COG5: variants seen among roughly 807,000 people sequenced by gnomAD.
COG5 encodes the protein component of oligomeric golgi complex 5, also known as conserved oligomeric Golgi complex subunit 5.
A neutral mutation model predicts 110.4 loss-of-function variants in COG5; 86 were observed. That is an observed-to-expected ratio of 0.78 (90% CI 0.65 to 0.93). The LOEUF (loss-of-function observed/expected upper bound fraction) is 0.93, where lower values mean the gene tolerates loss of function less well. COG5 is among the 40% of genes least tolerant of loss of function. The probability of loss-of-function intolerance (pLI) is 0.00; values close to 1 mark genes in which losing one functional copy is unlikely to be tolerated. For synonymous variants in COG5, 360 were observed against 334.6 expected, an observed-to-expected ratio of 1.08 and a Z score of -0.83; for missense variants, 1,077 against 987.0, an observed-to-expected ratio of 1.09 and a Z score of -1.22.
chr7:107,248,819 C>CT, intron 16 of COG5, among the ~76,000 whole-genome samples: 1 of 152,242 alleles, frequency 6.6e-6, no homozygotes, highest in East Asian at 1.9e-4. Flanking sequence ...AGGTAAAGGT[C>CT]AAATGAACAC....
chr7:107,420,659 C>T (rs1793222106), intron 6 of COG5, among the ~76,000 whole-genome samples: 1 of 152,168 alleles, frequency 6.6e-6, no homozygotes, highest in Non-Finnish European at 1.5e-5. Context: ...TATGGGGTTT[C>T]ACCATGTTAG....
chr7:107,272,392 T>A (rs375953612), intron 14 of COG5, among the ~76,000 whole-genome samples: 1 of 152,170 alleles, frequency 6.6e-6, no homozygotes, highest in Non-Finnish European at 1.5e-5. Context: ...CTTACATATG[T>A]TGATTGATGT....
chr7:107,501,774 C>A (rs1368848204), intron 6 of COG5, among the ~76,000 whole-genome samples: 1 of 152,106 alleles, frequency 6.6e-6, no homozygotes, highest in Non-Finnish European at 1.5e-5. Flanking sequence ...TTGAGCACAA[C>A]ATCACCCCCA....
intron 14 of COG5, among the ~76,000 whole-genome samples, chr7:107,278,244 CTTCCTTCCT>C (rs1804862771): frequency 6.6e-6 from 1 of 151,384 alleles, no homozygotes; most frequent in Non-Finnish European, 1.5e-5. Context: ...CCTTCCTTCC[CTTCCTTCCT>C]TTCTTCCTTC....
At chr7:107,300,079 A>G (rs1807135832) in intron 11 of COG5, among the ~76,000 whole-genome samples, 1 of 151,806 alleles carries the variant, frequency 6.6e-6, no homozygotes, top group East Asian at 1.9e-4. Flanking sequence ...TAAAAGAAAA[A>G]GCGTATGCTC....
At chr7:107,415,747 T>C (rs1015616833) in intron 6 of COG5, among the ~76,000 whole-genome samples, 1 of 147,352 alleles carries the variant, frequency 6.8e-6, no homozygotes, top group Non-Finnish European at 1.5e-5. Flanking sequence ...TAAATACATG[T>C]ATGTATATAT....
At position 107,236,490 on chromosome 7, in the gene COG5, C is replaced by T; in HGVS notation, c.2051G>A (p.Gly684Asp). 1 of 1,614,172 alleles carries T rather than the reference C, an allele frequency of 6.2e-7. No homozygotes were observed. Among genetic ancestry groups the T allele is most frequent in the East Asian group, 2.2e-5 (1 of 44,888 alleles). The change falls in exon 18 of 22, where the codon GGT becomes GAT. Residue 684 changes from glycine (G) to aspartate (D), a missense_variant. By Grantham distance (94) the Gly-to-Asp change is moderately conservative. Transcript: ENST00000297135. ...AGCAAGTCGCATTTTCCCACCTTCACCAAGAGGTCTTATGAGACTGGCATG... is the reference window on the plus strand; with the variant it reads ...AGCAAGTCGCATTTTCCCACCTTCATCAAGAGGTCTTATGAGACTGGCATG... ...IRHASLIRPL[G>D]EGGKMRLAAD...
chr7:107,383,687 A>G (rs1421924968), intron 7 of COG5, among the ~76,000 whole-genome samples: 1 of 152,164 alleles, frequency 6.6e-6, no homozygotes, highest in Non-Finnish European at 1.5e-5. Flanking sequence ...GAAGGGAACC[A>G]GGGCTGCCTG....
intron 6 of COG5, among the ~76,000 whole-genome samples, chr7:107,517,809 T>C (rs1800040478): frequency 6.6e-6 from 1 of 151,956 alleles, no homozygotes; most frequent in Non-Finnish European, 1.5e-5. Context: ...GTGATTCTCC[T>C]GCCTCAGCCT....
chr7:107,312,786 AT>A (rs1808394612), intron 11 of COG5, among the ~76,000 whole-genome samples: 1 of 151,632 alleles, frequency 6.6e-6, no homozygotes, highest in Non-Finnish European at 1.5e-5. Context: ...TCTTGTAACA[AT>A]TAAAGAAGGC....
At chr7:107,407,700 T>TG (rs1791959983) in intron 7 of COG5, among the ~76,000 whole-genome samples, 1 of 151,606 alleles carries the variant, frequency 6.6e-6, no homozygotes, top group Admixed American at 6.6e-5. Context: ...AAAGGCTATT[T>TG]GGGGAAGTTA....
chr7:107,220,247 A>G (rs1235320572), intron 19 of COG5, among the ~76,000 whole-genome samples: 2 of 152,234 alleles, frequency 1.3e-5, no homozygotes, highest in East Asian at 3.8e-4. Context: ...CAACTTGTAC[A>G]GAAAAACCTA....
chr7:107,519,770 G>A (rs1331858150), intron 6 of COG5, among the ~76,000 whole-genome samples: 1 of 152,106 alleles, frequency 6.6e-6, no homozygotes, highest in African/African-American at 2.4e-5. Context: ...CTGAAAAGGA[G>A]GGACTCCTCC....
At chr7:107,290,975 T>C (rs1283848465) in intron 12 of COG5, among the ~76,000 whole-genome samples, 2 of 152,190 alleles carry the variant, frequency 1.3e-5, no homozygotes, top group African/African-American at 4.8e-5. Context: ...GTTTTTCCCT[T>C]GCTGTTTTCA....
At chr7:107,308,806 T>C (rs1044168145) in intron 11 of COG5, among the ~76,000 whole-genome samples, 2 of 152,192 alleles carry the variant, frequency 1.3e-5, no homozygotes, top group Non-Finnish European at 2.9e-5. Flanking sequence ...GACAATCCCT[T>C]GCAATTGTTA....
chr7:107,329,298 T>A (rs557968313), intron 10 of COG5, among the ~76,000 whole-genome samples: 1 of 152,152 alleles, frequency 6.6e-6, no homozygotes, highest in East Asian at 1.9e-4. Context: ...AGAAAGGATG[T>A]GAAAAGTCCT....
At chr7:107,214,681 A>G (rs12333638) in intron 19 of COG5, among the ~76,000 whole-genome samples, 94,710 of 152,024 alleles carry the variant, frequency 0.62, 31,967 homozygotes, top group African/African-American at 0.9. Context: ...CAGTACTTTC[A>G]AAGGCTGAGG....
chr7:107,353,748 T>G (rs1260429735), intron 10 of COG5, among the ~76,000 whole-genome samples: 6 of 152,118 alleles, frequency 3.9e-5, no homozygotes, highest in Non-Finnish European at 1.5e-5. Context: ...CAAGTTTTAT[T>G]TTATATTCAG....
chr7:107,234,514 C>A (rs975949191), intron 18 of COG5, among the ~76,000 whole-genome samples: 1 of 152,126 alleles, frequency 6.6e-6, no homozygotes, highest in African/African-American at 2.4e-5. Flanking sequence ...TCTTTCAGGA[C>A]CCATAAGGGA....
Sources: allele counts gnomAD v4.1 joint callset (sites outside exome capture counted in the v4.1 genomes callset), GRCh38; gene constraint gnomAD v4.1.1; transcripts MANE v1.5; gene names NCBI Gene and HGNC (gene_info 2026-07-23, HGNC 2026-07-21).